The following ICAM1 variants were observed in gnomAD, a reference collection of about 807,000 sequenced individuals.
The protein encoded by ICAM1 is intercellular adhesion molecule 1.
Under a neutral mutation model 42.3 loss-of-function variants are expected in ICAM1, and 28 were observed. The ratio of observed to expected loss-of-function variants is 0.66; its 90% CI spans 0.49 to 0.91. The LOEUF (loss-of-function observed/expected upper bound fraction) is 0.91. Ranked by LOEUF, ICAM1 falls within the 40% of genes least tolerant of loss-of-function variation. The probability of loss-of-function intolerance (pLI) is 0.00; values close to 1 mark genes in which losing one functional copy is unlikely to be tolerated. For synonymous variants in ICAM1, 304 were observed against 305.9 expected, an observed-to-expected ratio of 0.99 and a Z score of 0.07; for missense variants, 637 against 688.6, an observed-to-expected ratio of 0.93 and a Z score of 0.84.
At chr19:10,272,595 C>A (rs2039990164) in intron 1 of ICAM1, among the ~76,000 whole-genome samples, 1 of 94,224 alleles carries the variant, frequency 1.1e-5, no homozygotes. Context: ...GACGGAGTCT[C>A]ACTCTGTCGC....
intron 2 of ICAM1, among the ~76,000 whole-genome samples, chr19:10,275,899 G>A (rs1464350949): frequency 6.6e-6 from 1 of 151,278 alleles, no homozygotes; most frequent in East Asian, 2.0e-4. Flanking sequence ...TAGTAGAGAC[G>A]GGGTTTCACT....
rs1007384990 is a variant in ICAM1, at chr19:10,283,708, C to T, written c.559C>T (p.Arg187Cys). Residue 187 changes from arginine to cysteine, a missense_variant, in exon 3 of 7, where the codon CGC becomes TGC. Coordinates refer to ENST00000264832, the MANE Select transcript of ICAM1 (RefSeq NM_000201.3). ...TCACCATGGAGCCAATTTCTCGTGCCGCACTGAACTGGACCTGCGGCCCCA... is the reference window on the plus strand; with the variant it reads ...TCACCATGGAGCCAATTTCTCGTGCTGCACTGAACTGGACCTGCGGCCCCA... ...RDHHGANFSC[R>C]TELDLRPQGL... 63 of 1,613,742 alleles carry T rather than the reference C, an allele frequency of 3.9e-5. No homozygotes were observed. The highest frequency in any genetic ancestry group is 1.5e-4 in the South Asian group (14 of 91,040).
chr19:10,285,186 A>C lies in ICAM1; in HGVS notation c.1498A>C (p.Thr500Pro), dbSNP rs1292981351. The C allele has an allele frequency of 6.2e-7, 1 of 1,614,060 alleles. No homozygotes were observed. ...CATAATGGGCACTGCAGGCCTCAGCACGTACCTCTATAACCGCCAGCGGAA... is the reference window on the plus strand; with the variant it reads ...CATAATGGGCACTGCAGGCCTCAGCCCGTACCTCTATAACCGCCAGCGGAA... ...AVIMGTAGLS[T>P]YLYNRQRKIK... Residue 500 changes from threonine to proline, a missense_variant, in exon 7 of 7, where the codon ACG becomes CCG. Physicochemically the swap from Thr to Pro is conservative, Grantham distance 38. Transcript: ENST00000264832.
intron 2 of ICAM1, 23 bp from the exon 3 acceptor site, chr19:10,283,458 C>T (rs1383173657): frequency 6.5e-7 from 1 of 1,529,218 alleles, no homozygotes; most frequent in South Asian, 1.3e-5. Flanking sequence ...TCACCAGACA[C>T]CCCCACCTCT....
chr19:10,283,388 G>A, intron 2 of ICAM1, 93 bp from the exon 3 acceptor site: 1 of 1,275,546 alleles, frequency 7.8e-7, no homozygotes, highest in Non-Finnish European at 1.1e-6. Context: ...GGGAGATACT[G>A]AAGAGGTAGG....
intron 2 of ICAM1, among the ~76,000 whole-genome samples, chr19:10,276,425 GTCCCAGCTAC>G (rs1217413789): frequency 6.6e-6 from 1 of 150,896 alleles, no homozygotes; most frequent in Admixed American, 6.6e-5. Flanking sequence ...GGCGCCTGTG[GTCCCAGCTAC>G]TCAGGAGGCT....
At chr19:10,280,257 A>G (rs949463346) in intron 2 of ICAM1, among the ~76,000 whole-genome samples, 9 of 152,344 alleles carry the variant, frequency 5.9e-5, no homozygotes, top group African/African-American at 2.2e-4. Flanking sequence ...GGGTACCTCA[A>G]GTTCTGCAAG....
rs376622574 is a variant in ICAM1, at chr19:10,284,612, G to A, written c.1135G>A (p.Gly379Ser). The A allele has an allele frequency of 2.4e-4, 384 of 1,613,982 alleles. No individual in the cohort carries two copies. The highest frequency in any genetic ancestry group is 3.0e-4 in the Non-Finnish European group (351 of 1,180,022). The change falls in exon 5 of 7, where the codon GGC becomes AGC. Residue 379 changes from glycine (G) to serine (S), a missense_variant. By Grantham distance (56) the Gly-to-Ser change is moderately conservative (BLOSUM62 0). Transcript: ENST00000264832. The surrounding 1 kb of genome is among the most constrained non-coding windows in gnomAD (Gnocchi z 5.4). ...FSCSATLEVAGQLIHKNQTRE... is the reference protein window; with the variant it reads ...FSCSATLEVASQLIHKNQTRE... The stretch of plus-strand genomic sequence containing the variant: ...CTGCTCTGCAACCCTGGAGGTGGCC[G>A]GCCAGCTTATACACAAGAACCAGAC...
At chr19:10,280,192 C>G (rs561288557) in intron 2 of ICAM1, among the ~76,000 whole-genome samples, 49 of 152,344 alleles carry the variant, frequency 3.2e-4, no homozygotes, top group African/African-American at 1.2e-3. Context: ...GGACAGACTT[C>G]CTCCCCGCTG....
At chr19:10,283,840 G>A in intron 3 of ICAM1, 54 bp downstream of exon 3, 1 of 1,521,182 alleles carries the variant, frequency 6.6e-7, no homozygotes, top group Non-Finnish European at 8.9e-7. Context: ...ATCCTGCAAT[G>A]CGGTGCCTGT....
chr19:10,283,975 C>G (rs561816781), intron 3 of ICAM1, 58 bp from the exon 4 acceptor site: 1 of 1,560,412 alleles, frequency 6.4e-7, no homozygotes, highest in East Asian at 2.2e-5. Flanking sequence ...TGAAATGCCC[C>G]AGAGAAGGGC....
At chr19:10,274,019 A>C (rs2040000445) in intron 1 of ICAM1, among the ~76,000 whole-genome samples, 1 of 152,020 alleles carries the variant, frequency 6.6e-6, no homozygotes, top group Admixed American at 6.6e-5. Context: ...ATCTCAAAAA[A>C]AAAAAAAATA....
chr19:10,284,479 C>T lies in ICAM1; in HGVS notation c.1002C>T (p.Ala334=). ...CCGAGGTGACAGTGAAGTGTGAGGC[C>T]CACCCTAGAGCCAAGGTGACGCTGA... ...EGTEVTVKCE[A]HPRAKVTLNG... The change falls in exon 5 of 7, where the codon GCC becomes GCT. Residue 334 remains alanine, a synonymous_variant. Coordinates refer to ENST00000264832, the MANE Select transcript of ICAM1 (RefSeq NM_000201.3). The surrounding 1 kb of genome is among the most constrained non-coding windows in gnomAD (Gnocchi z 5.4). 6.2e-7 allele frequency: 1 copy of T among 1,613,998 alleles called. No individual in the cohort carries two copies. The highest frequency in any genetic ancestry group is 8.5e-7 in the Non-Finnish European group (1 of 1,180,008).
chr19:10,272,558 TTC>T (rs1196863118), intron 1 of ICAM1, among the ~76,000 whole-genome samples: 6,054 of 77,028 alleles, frequency 0.079, 243 homozygotes, highest in South Asian at 0.16. Flanking sequence ...TTCTTTTCTT[TTC>T]TTTTTTTTTT....
chr19:10,284,752 A>C lies in ICAM1; in HGVS notation c.1181-31A>C, dbSNP rs1291128689. The C allele has an allele frequency of 5.0e-6, 8 of 1,605,134 alleles. No homozygotes were observed. Among genetic ancestry groups the C allele is most frequent in the Non-Finnish European group, 6.8e-6 (8 of 1,177,654 alleles). ...TTGCCTCCAAGTCCTGCCCCCACCC[A>C]CCTCCATGTCATCTCATCGTGTTTT... is the stretch of plus-strand genomic sequence containing the variant. On this transcript the variant is annotated intron_variant, in intron 5 of 6. Coordinates refer to ENST00000264832, the MANE Select transcript of ICAM1 (RefSeq NM_000201.3). The surrounding 1 kb of genome is among the most constrained non-coding windows in gnomAD (Gnocchi z 5.4).
At chr19:10,282,620 A>G (rs529623252) in intron 2 of ICAM1, among the ~76,000 whole-genome samples, 2 of 151,298 alleles carry the variant, frequency 1.3e-5, no homozygotes, top group South Asian at 4.2e-4. Context: ...TCCTGGCCTC[A>G]AGTGACCCTC....
In ICAM1 at chr19:10,285,008, A is replaced by C. The variant is rs766166027; in HGVS notation, c.1406A>C (p.Lys469Thr). Residue 469 changes from lysine to threonine, a missense_variant, in exon 6 of 7, where the codon AAG (lysine) becomes ACG (threonine). Lys to Thr is a moderately conservative substitution (Grantham distance 78, BLOSUM62 -1). Coordinates refer to ENST00000264832, the MANE Select transcript of ICAM1 (RefSeq NM_000201.3). The part of the protein sequence containing the change: ...ARSTQGEVTR[K>T]VTVNVLSPRY... ...AGCACTCAAGGGGAGGTCACCCGCAAGGTGACCGTGAATGTGCTCTGTGAG... is the reference window on the plus strand; with the variant it reads ...AGCACTCAAGGGGAGGTCACCCGCACGGTGACCGTGAATGTGCTCTGTGAG... The C allele has an allele frequency of 6.2e-7, 1 of 1,613,654 alleles. No homozygotes were observed. The highest frequency in any genetic ancestry group is 8.5e-7 in the Non-Finnish European group (1 of 1,179,880).
At position 10,274,841 on chromosome 19, in the gene ICAM1, C is replaced by T; in HGVS notation, c.144C>T (p.Cys48=). 1.2e-6 allele frequency: 2 copies of T among 1,614,250 alleles called. No individual in the cohort carries two copies. The highest frequency in any genetic ancestry group is 2.2e-5 in the East Asian group (1 of 44,884). The change falls in exon 2 of 7, where the codon TGC becomes TGT. Residue 48 remains cysteine, a synonymous_variant. Coordinates refer to ENST00000264832, the MANE Select transcript of ICAM1 (RefSeq NM_000201.3). The stretch of plus-strand genomic sequence containing the variant: ...GGGGAGGCTCCGTGCTGGTGACATG[C>T]AGCACCTCCTGTGACCAGCCCAAGT... ...LPRGGSVLVT[C]STSCDQPKLL... is the part of the protein sequence containing the mutation.
chr19:10,283,902 T>A lies in ICAM1; in HGVS notation c.637+116T>A, dbSNP rs2040081618. 9 of 1,436,614 alleles carry A rather than the reference T, an allele frequency of 6.3e-6. No homozygotes were observed. In the South Asian group the frequency reaches 1.0e-4, roughly 17 times the overall value. 89.0% of individuals were successfully genotyped at this position (1,436,614 alleles called of 1,614,324 possible). ...TGGCCCCGGCTAAGGGGTGCATGTG[T>A]TCTAGGCGTATGTGACCTAGGCTGC... On this transcript the variant is annotated intron_variant, in intron 3 of 6. Coordinates refer to ENST00000264832, the MANE Select transcript of ICAM1 (RefSeq NM_000201.3).
Sources: gnomAD v4.1 joint callset for allele counts (sites outside exome capture counted in the v4.1 genomes callset) on GRCh38, gnomAD v4.1.1 for gene constraint, Gnocchi (gnomAD v3.1) non-coding constraint, MANE v1.5 for transcripts, NCBI Gene and HGNC (gene_info 2026-07-23, HGNC 2026-07-21) for gene names.